The following COL11A1 variants were observed in gnomAD, a reference collection of about 807,000 sequenced individuals.
The protein encoded by COL11A1 is collagen type XI alpha 1 chain.
A neutral mutation model predicts 265.2 loss-of-function variants in COL11A1; 74 were observed. The ratio of observed to expected loss-of-function variants is 0.28; its 90% CI spans 0.23 to 0.34. The LOEUF (loss-of-function observed/expected upper bound fraction) is 0.34, where lower values mean the gene tolerates loss of function less well. COL11A1 is among the 10% of genes least tolerant of loss of function. COL11A1 has a pLI of 1.00. For missense variants in COL11A1, 2,165 were observed against 2,263.6 expected (o/e 0.96, Z 0.88); for synonymous variants, 816 against 727.6 (o/e 1.12, Z -1.96).
Position 102,879,722 on chromosome 1 carries a change from G to C in COL11A1, c.5235C>G (p.Asp1745Glu). The C allele has an allele frequency of 5.0e-6, 8 of 1,613,860 alleles. No individual in the cohort carries two copies. The highest frequency in any genetic ancestry group is 6.8e-6 in the Non-Finnish European group (8 of 1,179,870). ...ACAGTGTTTTGATAAAAGGATTATTGTCATAGGACATCTCCTCATCATTTG... is the reference window on the plus strand; with the variant it reads ...ACAGTGTTTTGATAAAAGGATTATTCTCATAGGACATCTCCTCATCATTTG... The part of the protein sequence containing the change: ...LGSNDEEMSY[D>E]NNPFIKTLYD... Residue 1745 changes from aspartate to glutamate, a missense_variant, in exon 66 of 67, where the codon GAC becomes GAG. Coordinates refer to ENST00000370096, the MANE Select transcript of COL11A1 (RefSeq NM_001854.4).
At chr1:103,009,487 T>A (rs1360303719) in intron 14 of COL11A1, among the ~76,000 whole-genome samples, 1 of 152,046 alleles carries the variant, frequency 6.6e-6, no homozygotes, top group Admixed American at 6.6e-5. Context: ...CTAAAATAAA[T>A]AAACAAAACA....
intron 30 of COL11A1, among the ~76,000 whole-genome samples, chr1:102,987,096 C>CT (rs1663640572): frequency 6.6e-6 from 1 of 151,906 alleles, no homozygotes; most frequent in Non-Finnish European, 1.5e-5. Context: ...TGGAAGAACT[C>CT]TAAGAGTAGC....
In COL11A1 at chr1:102,886,930, T is replaced by A; in HGVS notation, c.4735A>T (p.Ile1579Leu). 1 of 1,613,880 alleles carries A rather than the reference T, an allele frequency of 6.2e-7. No individual in the cohort carries two copies. Among genetic ancestry groups the A allele is most frequent in the East Asian group, 2.2e-5 (1 of 44,854 alleles). ...TTCAGGGAATTGAGGGAACCAAATA[T>A]TTCTTCCATTCCATCCGAGTAATCA... ...ILDYSDGMEE[I>L]FGSLNSLKQD... is the part of the protein sequence containing the mutation. Residue 1579 changes from isoleucine (I) to leucine (L), a missense_variant, in exon 63 of 67, where the codon ATA becomes TTA. Physicochemically the swap from Ile to Leu is conservative, Grantham distance 5. Transcript: ENST00000370096.
At chr1:102,950,920 G>C (rs1288417363) in intron 41 of COL11A1, among the ~76,000 whole-genome samples, 1 of 152,120 alleles carries the variant, frequency 6.6e-6, no homozygotes, top group Non-Finnish European at 1.5e-5. Flanking sequence ...TATGGGATCT[G>C]ATGGTTTATA....
At chr1:102,962,029 A>T (rs1329406056) in intron 40 of COL11A1, 110 bp from the exon 41 acceptor site, 2 of 1,076,918 alleles carry the variant, frequency 1.9e-6, no homozygotes, top group African/African-American at 3.1e-5. Context: ...TATAGACATA[A>T]CTACATATAT....
chr1:103,001,586 C>A lies in COL11A1; in HGVS notation c.2142+339G>T, dbSNP rs146637499. Reference sequence around the variant, plus strand: ...CTTCCTACAAATCTTTTGTCACAAGCAAACTTAATTACTTTTTTGTAAAAT... The same window carrying A: ...CTTCCTACAAATCTTTTGTCACAAGAAAACTTAATTACTTTTTTGTAAAAT... On this transcript the variant is annotated intron_variant, in intron 24 of 66. Transcript: ENST00000370096. 2,145 of 458,248 alleles carry A rather than the reference C, an allele frequency of 4.7e-3. 37 individuals are homozygous for A. Among genetic ancestry groups the A allele is most frequent in the African/African-American group, 0.038 (1,905 of 50,188 alleles). The allele number at this position is 458,248 out of a possible 1,614,324, so 28.4% of individuals were successfully genotyped here. A position where few individuals can be genotyped will look rare whatever the true frequency, so the allele number is the denominator to read the frequency against.
intron 1 of COL11A1, among the ~76,000 whole-genome samples, chr1:103,092,763 G>A (rs768081383): frequency 6.6e-6 from 1 of 152,102 alleles, no homozygotes; most frequent in Non-Finnish European, 1.5e-5. Context: ...CATTTAGTGC[G>A]ATATTGTAAA....
chr1:103,074,953 C>G (rs1420738547), intron 3 of COL11A1, among the ~76,000 whole-genome samples, 173 bp from the exon 4 acceptor site: 1 of 152,006 alleles, frequency 6.6e-6, no homozygotes, highest in African/African-American at 2.4e-5. Context: ...ACTCGTTACC[C>G]AACAGTACTA....
At chr1:102,960,271 C>T (rs1358326922) in intron 41 of COL11A1, among the ~76,000 whole-genome samples, 2 of 151,802 alleles carry the variant, frequency 1.3e-5, no homozygotes, top group African/African-American at 2.4e-5. Context: ...TGTTGTATTC[C>T]CAGTATTAAG....
chr1:102,923,507 T>A, intron 46 of COL11A1, 118 bp from the exon 47 acceptor site: 1 of 759,838 alleles, frequency 1.3e-6, no homozygotes, highest in South Asian at 1.7e-5. Flanking sequence ...AAATTAAGAT[T>A]CAGATACTAA....
intron 1 of COL11A1, among the ~76,000 whole-genome samples, chr1:103,088,422 G>T: frequency 6.6e-6 from 1 of 152,202 alleles, no homozygotes; most frequent in Non-Finnish European, 1.5e-5. Context: ...GTGCCTGTGG[G>T]TATAGACCTC....
intron 4 of COL11A1, among the ~76,000 whole-genome samples, chr1:103,037,142 T>TATATATATA (rs1553242540): frequency 3.6e-4 from 54 of 148,400 alleles, no homozygotes; most frequent in African/African-American, 1.3e-3. Context: ...ATATATAATT[T>TATATATATA]TATATATATA....
intron 41 of COL11A1, among the ~76,000 whole-genome samples, chr1:102,951,845 G>A (rs917562982): frequency 2.0e-5 from 3 of 152,032 alleles, no homozygotes; most frequent in Non-Finnish European, 4.4e-5. Flanking sequence ...GCTATTGAAT[G>A]TATATTTTCC....
At chr1:103,060,531 T>C (rs1670592370) in intron 4 of COL11A1, among the ~76,000 whole-genome samples, 1 of 152,142 alleles carries the variant, frequency 6.6e-6, no homozygotes, top group South Asian at 2.1e-4. Context: ...TGCTTATGTA[T>C]AAGTAAAATG....
At chr1:103,004,948 T>G (rs1227258550) in intron 18 of COL11A1, among the ~76,000 whole-genome samples, 1 of 152,098 alleles carries the variant, frequency 6.6e-6, no homozygotes, top group African/African-American at 2.4e-5. Context: ...GACATTTAAT[T>G]ATTTTAAGCT....
intron 4 of COL11A1, among the ~76,000 whole-genome samples, chr1:103,066,868 G>A (rs1167258765): frequency 6.6e-6 from 1 of 151,874 alleles, no homozygotes; most frequent in African/African-American, 2.4e-5. Context: ...CAAATTGTAG[G>A]TTAACAAGAA....
chr1:102,906,147 T>C (rs2100980267), intron 54 of COL11A1, among the ~76,000 whole-genome samples: 1 of 152,310 alleles, frequency 6.6e-6, no homozygotes, highest in South Asian at 2.1e-4. Flanking sequence ...GTGCTTTAAA[T>C]ATACATTTTC....
intron 5 of COL11A1, among the ~76,000 whole-genome samples, chr1:103,029,915 A>C (rs71664965): frequency 0.036 from 5,541 of 152,164 alleles, 123 homozygotes; most frequent in Middle Eastern, 0.092. Flanking sequence ...AATCAGAGCC[A>C]TATCTGTTGC....
intron 10 of COL11A1, 88 bp downstream of exon 10, chr1:103,018,730 G>T: frequency 2.9e-6 from 3 of 1,044,590 alleles, no homozygotes; most frequent in South Asian, 1.4e-5. Context: ...ATTCTAATTA[G>T]TCTAAAATGT....
Sources: allele counts gnomAD v4.1 joint callset (sites outside exome capture counted in the v4.1 genomes callset), GRCh38; gene constraint gnomAD v4.1.1; transcripts MANE v1.5; gene names NCBI Gene and HGNC (gene_info 2026-07-23, HGNC 2026-07-21).